The following MBP variants were observed in gnomAD, a reference collection of about 807,000 sequenced individuals.
MBP encodes the protein Golli-MBP.
MBP carries 16 observed loss-of-function variants against 35.8 expected under a neutral mutation model. The observed-to-expected ratio is 0.45, with a 90% CI of 0.30 to 0.68. MBP has a LOEUF of 0.68. Ranked by LOEUF, MBP falls within the 30% of genes least tolerant of loss-of-function variation. MBP has a pLI of 0.08. For synonymous variants in MBP, 143 were observed against 159.6 expected (o/e 0.90, Z 0.78); for missense variants, 380 against 404.7 (o/e 0.94, Z 0.52).
intron 2 of MBP, chr18:77,093,491 A>C (rs1975625917): frequency 6.6e-6 from 1 of 152,190 alleles, no homozygotes. Context: ...TTGCATTCCA[A>C]CTTAACAAAG....
intron 3 of MBP, among the ~76,000 whole-genome samples, chr18:77,049,758 C>A (rs1973407332): frequency 6.6e-6 from 1 of 152,100 alleles, no homozygotes; most frequent in South Asian, 2.1e-4. Flanking sequence ...CAGCTCACTG[C>A]AACCTCTGCC....
chr18:77,066,071 C>T (rs557332692), intron 3 of MBP: 18 of 490,464 alleles, frequency 3.7e-5, no homozygotes, highest in Admixed American at 1.9e-4. Flanking sequence ...TTGTGTTGCC[C>T]GGGCTGGTCT....
chr18:76,998,543 G>A (rs470584), intron 4 of MBP, among the ~76,000 whole-genome samples: 11,412 of 152,118 alleles, frequency 0.075, 469 homozygotes, highest in Middle Eastern at 0.16. Flanking sequence ...CGGGTGACTC[G>A]CAGAAGAGAT....
At chr18:76,986,463 C>G in intron 7 of MBP, 1 of 985,494 alleles carries the variant, frequency 1.0e-6, no homozygotes, top group Non-Finnish European at 1.2e-6. Context: ...TGGGGGCTTC[C>G]CACCATACAA....
chr18:77,075,094 C>T (rs1326386822), intron 2 of MBP, among the ~76,000 whole-genome samples: 3 of 152,214 alleles, frequency 2.0e-5, no homozygotes, highest in Non-Finnish European at 4.4e-5. Flanking sequence ...CCCTCCTCTC[C>T]AAGATCCAGA....
intron 3 of MBP, among the ~76,000 whole-genome samples, chr18:77,022,887 C>T (rs2123517987): frequency 6.6e-6 from 1 of 151,306 alleles, no homozygotes; most frequent in East Asian, 1.9e-4. Context: ...GCAGTTTAGT[C>T]GTTAATATTG....
chr18:77,028,244 C>T (rs562807052), intron 3 of MBP, among the ~76,000 whole-genome samples: 353 of 126,586 alleles, frequency 2.8e-3, no homozygotes, highest in African/African-American at 5.9e-3. Flanking sequence ...CATCTTGCAC[C>T]GCCCTTAATC....
At chr18:76,991,811 C>T (rs1330314667) in intron 4 of MBP, among the ~76,000 whole-genome samples, 4 of 152,208 alleles carry the variant, frequency 2.6e-5, no homozygotes, top group Non-Finnish European at 1.5e-5. Flanking sequence ...TGAAGTATTT[C>T]CCTCCAGTCT....
In MBP at chr18:77,102,131, G is replaced by A. The variant is rs557759652; in HGVS notation, c.51+3080C>T. Among the ~76,000 whole-genome samples the A allele has an allele frequency of 2.2e-4, 34 of 152,214 alleles. No homozygotes were observed. In the South Asian group the frequency reaches 6.8e-3, roughly 31 times the overall value. Reference sequence around the variant, plus strand: ...GAAAGAATCATCTAGTGTGGGTGGGGAGAGGTGGAGAAGGTGGCAGCAGGG... The same window carrying A: ...GAAAGAATCATCTAGTGTGGGTGGGAAGAGGTGGAGAAGGTGGCAGCAGGG... On this transcript the variant is annotated intron_variant, in intron 2 of 8. Transcript: ENST00000355994. This position sits in a 1 kb window ranked among gnomAD's most constrained non-coding sequence, Gnocchi z 4.4.
chr18:77,020,704 G>A lies in MBP; in HGVS notation c.140-3436C>T, dbSNP rs1387311423. 6.6e-6 allele frequency among the ~76,000 whole-genome samples: 1 copy of A among 152,212 alleles called. No individual in the cohort carries two copies. The highest frequency in any genetic ancestry group is 1.9e-4 in the East Asian group (1 of 5,188). On this transcript the variant is annotated intron_variant, in intron 3 of 8. Coordinates refer to ENST00000355994, the MANE Select transcript of MBP (RefSeq NM_001025101.2). The surrounding 1 kb of genome is among the most constrained non-coding windows in gnomAD (Gnocchi z 4.1). ...GCCACCAAGATTCCAGCCTTCAGAG[G>A]AAAGGCGCTGTTCTGCACAGACCAT...
chr18:77,012,278 G>A (rs564388639), intron 4 of MBP, among the ~76,000 whole-genome samples: 19 of 152,252 alleles, frequency 1.2e-4, no homozygotes, highest in African/African-American at 3.6e-4. Flanking sequence ...GTGAGCTCCC[G>A]GGGGGCCCTG....
rs1599473419 is a variant in MBP, at chr18:76,988,647, G to T, written c.718-120C>A. On this transcript the variant is annotated intron_variant, in intron 6 of 8. Transcript: ENST00000355994. The surrounding 1 kb of genome is among the most constrained non-coding windows in gnomAD (Gnocchi z 5.2). ...GAGGTGGTAAAAACAGGTTCCACCCGGAGCTCCGAGGGGGGCCGCAGGCTC... is the reference window on the plus strand; with the variant it reads ...GAGGTGGTAAAAACAGGTTCCACCCTGAGCTCCGAGGGGGGCCGCAGGCTC... 1.3e-6 allele frequency: 2 copies of T among 1,504,268 alleles called. No homozygotes were observed. Among genetic ancestry groups the T allele is most frequent in the Non-Finnish European group, 1.8e-6 (2 of 1,129,090 alleles). 93.2% of individuals were successfully genotyped at this position (1,504,268 alleles called of 1,614,324 possible). A position where few individuals can be genotyped will look rare whatever the true frequency, so the allele number is the denominator to read the frequency against.
At chr18:76,986,076 T>C in intron 7 of MBP, 2 of 985,570 alleles carry the variant, frequency 2.0e-6, no homozygotes, top group Non-Finnish European at 2.4e-6. Context: ...CTGGGCGCGG[T>C]GGACGTTAAC....
chr18:77,049,521 G>C (rs1973395792), intron 3 of MBP, among the ~76,000 whole-genome samples: 1 of 152,058 alleles, frequency 6.6e-6, no homozygotes, highest in Non-Finnish European at 1.5e-5. Flanking sequence ...GGAGTATTTT[G>C]CCTATTTGCA....
chr18:77,089,713 TCCCATCCTG>T (rs1384739476), intron 2 of MBP, among the ~76,000 whole-genome samples: 5 of 152,120 alleles, frequency 3.3e-5, no homozygotes, highest in Non-Finnish European at 7.4e-5. Context: ...GGCCGGAGGG[TCCCATCCTG>T]CCGTGACTTT....
intron 3 of MBP, among the ~76,000 whole-genome samples, chr18:77,058,763 C>T (rs919154033): frequency 2.0e-5 from 3 of 152,212 alleles, no homozygotes; most frequent in Non-Finnish European, 4.4e-5. Context: ...GACCTGGAGG[C>T]CCTGGAGATG....
At chr18:76,980,538 T>G in intron 8 of MBP, 67 bp from the exon 9 acceptor site, 1 of 1,262,522 alleles carries the variant, frequency 7.9e-7, no homozygotes, top group South Asian at 1.2e-5. Flanking sequence ...GCATCCCCTC[T>G]TCTGTGGTCC....
chr18:76,989,741 G>A lies in MBP; in HGVS notation c.681+215C>T, dbSNP rs552594333. 7.4e-6 allele frequency: 4 copies of A among 538,576 alleles called. No homozygotes were observed. Among genetic ancestry groups the A allele is most frequent in the African/African-American group, 5.8e-5 (3 of 51,622 alleles). The allele number at this position is 538,576 out of a possible 1,614,324, so 33.4% of individuals were successfully genotyped here. On this transcript the variant is annotated intron_variant, in intron 5 of 8. Coordinates refer to ENST00000355994, the MANE Select transcript of MBP (RefSeq NM_001025101.2). This position sits in a 1 kb window ranked among gnomAD's most constrained non-coding sequence, Gnocchi z 4.0. The stretch of plus-strand genomic sequence containing the variant: ...GAAGTGAGCTCTCTGGAGAACGCAC[G>A]GAGCGCACGGTGCAATCCGTGGCAG...
chr18:77,050,213 G>A (rs570988561), intron 3 of MBP, among the ~76,000 whole-genome samples: 41 of 152,124 alleles, frequency 2.7e-4, no homozygotes, highest in Non-Finnish European at 3.5e-4. Context: ...CTATGGAAAC[G>A]TTTCCAAACT....
Sources: allele counts gnomAD v4.1 joint callset (sites outside exome capture counted in the v4.1 genomes callset), GRCh38; gene constraint gnomAD v4.1.1; non-coding constraint Gnocchi (gnomAD v3.1); transcripts MANE v1.5; gene names NCBI Gene and HGNC (gene_info 2026-07-23, HGNC 2026-07-21).